PIK3AP1: variants seen among roughly 807,000 people sequenced by gnomAD.
PIK3AP1 encodes the protein phosphoinositide 3-kinase adapter protein 1.
In PIK3AP1, 21 loss-of-function variants were observed where a neutral mutation model predicts 88.1. The ratio of observed to expected loss-of-function variants is 0.24; its 90% CI spans 0.17 to 0.34. The LOEUF is 0.34. PIK3AP1 is among the 10% of genes least tolerant of loss of function. The probability of loss-of-function intolerance (pLI) is 1.00; values close to 1 mark genes in which losing one functional copy is unlikely to be tolerated. For synonymous variants in PIK3AP1, 398 were observed against 400.0 expected, an observed-to-expected ratio of 1.00 and a Z score of 0.06; for missense variants, 828 against 1,035.7, an observed-to-expected ratio of 0.80 and a Z score of 2.75.
Position 96,626,878 on chromosome 10 carries a change from T to A in PIK3AP1, c.1499A>T (p.Glu500Val). The change falls in exon 10 of 17, where the codon GAG (glutamate) becomes GTG (valine). Residue 500 changes from glutamate (E) to valine (V), a missense_variant. This residue lies in a region of PIK3AP1 where 610 missense variants were observed against 760.1 expected (regional missense o/e 0.80). Coordinates refer to ENST00000339364, the MANE Select transcript of PIK3AP1 (RefSeq NM_152309.3). ...CTGACCAAGATGGCACTGATCTCTC[T>A]CCAGATTGGTCATTCCCATGCTGTT... Reference protein sequence around the residue: ...EGNSMGMTNLERDQCHLGQEE... With the variant: ...EGNSMGMTNLVRDQCHLGQEE... The A allele has an allele frequency of 1.2e-6, 2 of 1,614,160 alleles. No homozygotes were observed. Among genetic ancestry groups the A allele is most frequent in the Non-Finnish European group, 1.7e-6 (2 of 1,179,970 alleles).
chr10:96,609,822 G>C lies in PIK3AP1; in HGVS notation c.2060C>G (p.Ala687Gly). ...CTCATAGACTCCAAACTCCACTTTT[G>C]CAGGCAGGTGCTGTGAGTGCCGAAT... ...VPIRHSQHLP[A>G]KVEFGVYESG... The change falls in exon 14 of 17, where the codon GCA becomes GGA. Residue 687 changes from alanine (A) to glycine (G), a missense_variant. By Grantham distance (60) the Ala-to-Gly change is moderately conservative. Coordinates refer to ENST00000339364, the MANE Select transcript of PIK3AP1 (RefSeq NM_152309.3). The C allele has an allele frequency of 6.2e-7, 1 of 1,614,122 alleles. No homozygotes were observed.
intron 13 of PIK3AP1, among the ~76,000 whole-genome samples, chr10:96,612,417 AT>A (rs1018361781): frequency 6.6e-6 from 1 of 152,116 alleles, no homozygotes; most frequent in African/African-American, 2.4e-5. Flanking sequence ...AAAGATTACT[AT>A]TTTTTCCCTA....
chr10:96,624,368 G>C lies in PIK3AP1; in HGVS notation c.1670-831C>G, dbSNP rs146676538. On this transcript the variant is annotated intron_variant, in intron 10 of 16. Coordinates refer to ENST00000339364, the MANE Select transcript of PIK3AP1 (RefSeq NM_152309.3). ...GGCATGCTAGTTAACCCAAGGGATGGCTCTACAATGCCTTACAGTTTGTAA... is the reference window on the plus strand; with the variant it reads ...GGCATGCTAGTTAACCCAAGGGATGCCTCTACAATGCCTTACAGTTTGTAA... Among the ~76,000 whole-genome samples the C allele has an allele frequency of 3.1e-3, 466 of 152,280 alleles. 3 individuals are homozygous for C. Among genetic ancestry groups the C allele is most frequent in the African/African-American group, 0.011 (444 of 41,560 alleles).
chr10:96,714,027 A>G (rs572040994), intron 1 of PIK3AP1, among the ~76,000 whole-genome samples: 8 of 152,180 alleles, frequency 5.3e-5, no homozygotes, highest in Non-Finnish European at 8.8e-5. Flanking sequence ...TACAAAAATT[A>G]GCCGGGCATG....
chr10:96,606,145 C>T (rs76859846), intron 14 of PIK3AP1, among the ~76,000 whole-genome samples: 2,733 of 152,166 alleles, frequency 0.018, 77 homozygotes, highest in African/African-American at 0.06. Context: ...GTTACCCATA[C>T]ACAACACTGT....
At chr10:96,634,739 A>G (rs553732961) in intron 8 of PIK3AP1, among the ~76,000 whole-genome samples, 1 of 152,334 alleles carries the variant, frequency 6.6e-6, no homozygotes, top group East Asian at 1.9e-4. Context: ...TGTGGCTGCT[A>G]TGACAAATTA....
intron 1 of PIK3AP1, among the ~76,000 whole-genome samples, chr10:96,711,813 C>A (rs888902119): frequency 7.4e-6 from 1 of 134,486 alleles, no homozygotes; most frequent in African/African-American, 2.8e-5. Context: ...CGCAGTGGCA[C>A]GATCTCGGTT....
At chr10:96,649,109 C>T (rs542142429) in intron 6 of PIK3AP1, among the ~76,000 whole-genome samples, 3 of 152,184 alleles carry the variant, frequency 2.0e-5, no homozygotes, top group East Asian at 1.9e-4. Flanking sequence ...TGCAGTGGCG[C>T]GATCTTGGCT....
intron 2 of PIK3AP1, among the ~76,000 whole-genome samples, chr10:96,678,660 T>C (rs891854811): frequency 1.3e-5 from 2 of 152,120 alleles, no homozygotes; most frequent in African/African-American, 4.8e-5. Context: ...TTAAAACAGG[T>C]AGAAAATTCC....
chr10:96,668,043 A>C (rs1843790094), intron 2 of PIK3AP1, among the ~76,000 whole-genome samples: 1 of 152,240 alleles, frequency 6.6e-6, no homozygotes, highest in African/African-American at 2.4e-5. Flanking sequence ...ATACTTACTT[A>C]GAAAATATGA....
In PIK3AP1 at chr10:96,700,231, C is replaced by A. The variant is rs143392957; in HGVS notation, c.430+9336G>T. ...ACAGGAGAAGGCCCTCTCTGGGTGGCCGCCGAAGCGGCAGGAGAGGCCGAG... is the reference window on the plus strand; with the variant it reads ...ACAGGAGAAGGCCCTCTCTGGGTGGACGCCGAAGCGGCAGGAGAGGCCGAG... On this transcript the variant is annotated intron_variant, in intron 2 of 16. Transcript: ENST00000339364. Among the ~76,000 whole-genome samples the A allele has an allele frequency of 6.6e-3, 998 of 152,334 alleles. 6 individuals carry two copies. The highest frequency in any genetic ancestry group is 0.011 in the Admixed American group (171 of 15,302).
chr10:96,707,985 G>C (rs1460448101), intron 2 of PIK3AP1, among the ~76,000 whole-genome samples: 1 of 152,150 alleles, frequency 6.6e-6, no homozygotes, highest in African/African-American at 2.4e-5. Context: ...AAAAGACGTG[G>C]TCATGTTTAT....
At chr10:96,716,157 C>T (rs559393993) in intron 1 of PIK3AP1, among the ~76,000 whole-genome samples, 1 of 152,160 alleles carries the variant, frequency 6.6e-6, no homozygotes, top group South Asian at 2.1e-4. Context: ...TGGCATGCGC[C>T]TGTAGTCCCA....
intron 2 of PIK3AP1, among the ~76,000 whole-genome samples, chr10:96,662,829 C>G (rs1163059277): frequency 7.7e-6 from 1 of 129,558 alleles, no homozygotes; most frequent in Non-Finnish European, 1.6e-5. Flanking sequence ...TTGCAGTGAG[C>G]CGAGATTGCG....
At position 96,708,314 on chromosome 10, in the gene PIK3AP1, C is replaced by T. The variant is rs1327129706; in HGVS notation, c.430+1253G>A. ...AAGAGGCTAGGCGTGGTGGCTCACG[C>T]CTGTAATCCCAGCACTTTGGGAGGC... On this transcript the variant is annotated intron_variant, in intron 2 of 16. Coordinates refer to ENST00000339364, the MANE Select transcript of PIK3AP1 (RefSeq NM_152309.3). Among the ~76,000 whole-genome samples, 3 of 152,114 alleles carry T rather than the reference C, an allele frequency of 2.0e-5. No homozygotes were observed. The East Asian group carries it at 5.8e-4, about 29-fold the overall frequency.
chr10:96,679,210 A>G (rs1368737376), intron 2 of PIK3AP1, among the ~76,000 whole-genome samples: 1 of 152,132 alleles, frequency 6.6e-6, no homozygotes, highest in Non-Finnish European at 1.5e-5. Flanking sequence ...TCTTGAGTCT[A>G]CTCCACTGAT....
intron 2 of PIK3AP1, among the ~76,000 whole-genome samples, chr10:96,699,008 T>C (rs1393438614): frequency 1.3e-5 from 2 of 151,210 alleles, no homozygotes; most frequent in Non-Finnish European, 2.9e-5. Context: ...AGAAATCCCA[T>C]CTCTACTAAA....
At chr10:96,715,547 T>C (rs529386922) in intron 1 of PIK3AP1, among the ~76,000 whole-genome samples, 1 of 152,326 alleles carries the variant, frequency 6.6e-6, no homozygotes, top group Admixed American at 6.5e-5. Flanking sequence ...GTACTATCTT[T>C]GTAGTATTTC....
chr10:96,654,084 G>C (rs187127840), intron 3 of PIK3AP1, among the ~76,000 whole-genome samples: 162 of 152,274 alleles, frequency 1.1e-3, no homozygotes, highest in African/African-American at 3.7e-3. Flanking sequence ...TGCAGCCTGA[G>C]AGAAGCCCTC....
Sources: gnomAD v4.1 joint callset for allele counts (sites outside exome capture counted in the v4.1 genomes callset) on GRCh38, gnomAD v4.1.1 for gene constraint, gnomAD v4.1.1 regional missense constraint, MANE v1.5 for transcripts, NCBI Gene and HGNC (gene_info 2026-07-23, HGNC 2026-07-21) for gene names.